The following ARHGAP6 variants were observed in gnomAD, a reference collection of about 807,000 sequenced individuals.
The protein encoded by ARHGAP6 is Rho GTPase activating protein 6.
In ARHGAP6, 16 loss-of-function variants were observed where a neutral mutation model predicts 55.7. The observed-to-expected ratio is 0.29, with a 90% confidence interval of 0.19 to 0.44. The LOEUF is 0.44. Ranked by LOEUF, ARHGAP6 falls within the 20% of genes least tolerant of loss-of-function variation. The pLI, the probability that ARHGAP6 is intolerant of heterozygous loss-of-function variation, is 1.00. For missense variants in ARHGAP6, 698 were observed against 808.9 expected (o/e 0.86, Z 1.66); for synonymous variants, 382 against 360.9 (o/e 1.06, Z -0.66).
At chrX:11,599,746 T>C (rs1383907024) in intron 1 of ARHGAP6, among the ~76,000 whole-genome samples, 1 of 111,149 alleles carries the variant, frequency 9.0e-6, no homozygotes, top group Non-Finnish European at 1.9e-5. Flanking sequence ...ATACTTGAAA[T>C]TTGCTAAGGG....
intron 1 of ARHGAP6, among the ~76,000 whole-genome samples, chrX:11,649,752 C>T (rs1569072491): frequency 9.0e-6 from 1 of 111,529 alleles, no homozygotes; most frequent in Admixed American, 9.5e-5. Context: ...AATAGCCAAC[C>T]TTTCATTTTT....
chrX:11,648,088 T>A (rs182742887), intron 1 of ARHGAP6, among the ~76,000 whole-genome samples: 2 of 112,326 alleles, frequency 1.8e-5, no homozygotes, highest in East Asian at 5.6e-4. Flanking sequence ...GTTCTGATGT[T>A]CTATTGTACA....
At chrX:11,421,102 C>T (rs2049818183) in intron 1 of ARHGAP6, among the ~76,000 whole-genome samples, 1 of 111,514 alleles carries the variant, frequency 9.0e-6, no homozygotes, top group Non-Finnish European at 1.9e-5. Flanking sequence ...AGAGTAATCC[C>T]CACACAGTAT....
At chrX:11,441,967 C>T (rs895628153) in intron 1 of ARHGAP6, among the ~76,000 whole-genome samples, 15 of 109,187 alleles carry the variant, frequency 1.4e-4, no homozygotes, top group Admixed American at 9.8e-4. Context: ...GTAACATATA[C>T]ACATATACAG....
In ARHGAP6 at chrX:11,179,380, A is replaced by G. The variant is rs267606319; in HGVS notation, c.1402T>C (p.Leu468=). Reference sequence around the variant, plus strand: ...ATGTCCCTCAGGAACTCTTTCAGCAAGGCTGCCACATCATGAACACTGTGC... The same window carrying G: ...ATGTCCCTCAGGAACTCTTTCAGCAGGGCTGCCACATCATGAACACTGTGC... ...EEHSVHDVAA[L]LKEFLRDMPD... Residue 468 remains leucine, a synonymous_variant, in exon 7 of 13, where the codon TTG becomes CTG. Coordinates refer to ENST00000337414, the MANE Select transcript of ARHGAP6 (RefSeq NM_013427.3). 1 of 1,210,580 alleles carries G rather than the reference A, an allele frequency of 8.3e-7. No homozygotes were observed. Among genetic ancestry groups the G allele is most frequent in the African/African-American group, 1.7e-5 (1 of 57,656 alleles).
At chrX:11,318,518 A>G (rs2048387040) in intron 1 of ARHGAP6, 1 of 111,931 alleles carries the variant, frequency 8.9e-6, no homozygotes, top group Non-Finnish European at 1.9e-5. Flanking sequence ...GCAATCTACT[A>G]TATTTAAAAC....
intron 2 of ARHGAP6, among the ~76,000 whole-genome samples, chrX:11,213,851 A>G (rs989856185): frequency 2.6e-4 from 29 of 112,081 alleles, no homozygotes; most frequent in African/African-American, 8.1e-4. Context: ...AGATCCATGT[A>G]CCAAAATTGC....
intron 3 of ARHGAP6, among the ~76,000 whole-genome samples, chrX:11,192,140 T>C (rs996714365): frequency 1.8e-5 from 2 of 112,078 alleles, no homozygotes; most frequent in African/African-American, 6.5e-5. Context: ...AGGCATTTCT[T>C]ATTCTTCATC....
intron 1 of ARHGAP6, among the ~76,000 whole-genome samples, chrX:11,363,538 A>C (rs1249004940): frequency 1.8e-5 from 2 of 112,131 alleles, no homozygotes; most frequent in Non-Finnish European, 3.8e-5. Context: ...ACCTGTATGC[A>C]TATGATTCTC....
Position 11,547,350 on chromosome X carries a change from T to A in ARHGAP6, c.588+116891A>T, listed in dbSNP as rs1271961834. Among the ~76,000 whole-genome samples, 5 of 112,149 alleles carry A rather than the reference T, an allele frequency of 4.5e-5. No homozygotes were observed. In the Admixed American group the frequency reaches 4.7e-4, roughly 11 times the overall value. On this transcript the variant is annotated intron_variant, in intron 1 of 12. Transcript: ENST00000337414. The stretch of plus-strand genomic sequence containing the variant: ...TGTGCATAGCGATCACTTGGGAACA[T>A]TGTTGATTTCACAGATCTGGTTGGG...
chrX:11,155,546 C>T (rs756491526), intron 10 of ARHGAP6, among the ~76,000 whole-genome samples: 10 of 111,535 alleles, frequency 9.0e-5, no homozygotes, highest in African/African-American at 2.0e-4. Context: ...GTGATCTGCC[C>T]GCCTCGGCAT....
intron 1 of ARHGAP6, among the ~76,000 whole-genome samples, chrX:11,574,331 A>G (rs2147111301): frequency 9.0e-6 from 1 of 110,826 alleles, no homozygotes; most frequent in African/African-American, 3.3e-5. Flanking sequence ...CCTCAATAAA[A>G]TACTGGCAAA....
At chrX:11,472,827 G>A (rs1237209388) in intron 1 of ARHGAP6, among the ~76,000 whole-genome samples, 1 of 111,154 alleles carries the variant, frequency 9.0e-6, no homozygotes, top group East Asian at 2.8e-4. Context: ...TGGACAACAA[G>A]TTCCCCTTCT....
chrX:11,422,479 G>A (rs2049833981), intron 1 of ARHGAP6, among the ~76,000 whole-genome samples: 1 of 111,603 alleles, frequency 9.0e-6, no homozygotes, highest in African/African-American at 3.3e-5. Context: ...TATTCTAAGT[G>A]GAATGGAAAC....
intron 1 of ARHGAP6, among the ~76,000 whole-genome samples, chrX:11,363,400 A>G (rs916028328): frequency 8.0e-5 from 9 of 112,306 alleles, no homozygotes; most frequent in African/African-American, 2.3e-4. Context: ...ACTGGATGCT[A>G]TTTCAATATT....
At chrX:11,220,308 G>A (rs1315927194) in intron 2 of ARHGAP6, among the ~76,000 whole-genome samples, 1 of 111,073 alleles carries the variant, frequency 9.0e-6, no homozygotes, top group East Asian at 2.8e-4. Context: ...CTCGAGAAGA[G>A]CAACTCCAAG....
intron 8 of ARHGAP6, among the ~76,000 whole-genome samples, chrX:11,174,636 TTTCTTTC>T (rs2046169542): frequency 2.2e-5 from 1 of 45,948 alleles, no homozygotes; most frequent in Non-Finnish European, 3.8e-5. Flanking sequence ...TCTTTCTTTC[TTTCTTTC>T]TTTCTTTCTT....
chrX:11,650,452 T>C (rs957670600), intron 1 of ARHGAP6, among the ~76,000 whole-genome samples: 1 of 111,579 alleles, frequency 9.0e-6, no homozygotes, highest in African/African-American at 3.3e-5. Context: ...AAATACACAG[T>C]AGGATTTTAA....
chrX:11,486,978 G>C (rs1390484023), intron 1 of ARHGAP6, among the ~76,000 whole-genome samples: 1 of 110,881 alleles, frequency 9.0e-6, no homozygotes, highest in Non-Finnish European at 1.9e-5. Context: ...GGGAGATTGG[G>C]TACATATGGG....
Sources: gnomAD v4.1 joint callset for allele counts (sites outside exome capture counted in the v4.1 genomes callset) on GRCh38, gnomAD v4.1.1 for gene constraint, MANE v1.5 for transcripts, NCBI Gene and HGNC (gene_info 2026-07-23, HGNC 2026-07-21) for gene names.